The following ANKRD28 variants were observed in gnomAD, a reference collection of about 807,000 sequenced individuals.
ANKRD28 encodes the protein serine/threonine-protein phosphatase 6 regulatory ankyrin repeat subunit A.
ANKRD28 carries 44 observed loss-of-function variants against 126.5 expected under a neutral mutation model. That is an observed-to-expected ratio of 0.35 (90% confidence interval 0.27 to 0.45). The LOEUF (loss-of-function observed/expected upper bound fraction) is 0.45. Ranked by LOEUF, ANKRD28 falls within the 20% of genes least tolerant of loss-of-function variation. The probability of loss-of-function intolerance (pLI) is 1.00; values close to 1 mark genes in which losing one functional copy is unlikely to be tolerated. For synonymous variants in ANKRD28, 442 were observed against 468.5 expected (o/e 0.94, Z 0.73); for missense variants, 1,110 against 1,316.6 (o/e 0.84, Z 2.43).
intron 24 of ANKRD28, 71 bp downstream of exon 24, chr3:15,678,138 T>C (rs1205579075): frequency 7.1e-6 from 10 of 1,418,024 alleles, no homozygotes; most frequent in Non-Finnish European, 9.4e-6. Context: ...AAGTCAGAAG[T>C]CTTGGGATCT....
At chr3:15,796,230 A>C (rs2060267802) in intron 1 of ANKRD28, among the ~76,000 whole-genome samples, 175 bp downstream of exon 1, 1 of 152,208 alleles carries the variant, frequency 6.6e-6, no homozygotes, top group Admixed American at 6.5e-5. Flanking sequence ...CATTCAAAAA[A>C]GTAAAAACGA....
intron 2 of ANKRD28, among the ~76,000 whole-genome samples, chr3:15,775,582 C>T (rs1208185015): frequency 6.6e-6 from 1 of 152,216 alleles, no homozygotes; most frequent in African/African-American, 2.4e-5. Flanking sequence ...CCCACTACCT[C>T]TTTCTCAGGT....
Position 15,720,978 on chromosome 3 carries a change from T to C in ANKRD28, c.933A>G (p.Ala311=), listed in dbSNP as rs2073665239. The C allele has an allele frequency of 1.2e-6, 2 of 1,613,828 alleles. No homozygotes were observed. The highest frequency in any genetic ancestry group is 1.7e-6 in the Non-Finnish European group (2 of 1,179,860). ...CTAAACACAATGCTCCATGTGTTGA[T>C]GCAGCAGCAAAGTGCAAAGGAGTAA... ...KGFTPLHFAA[A]STHGALCLEL... is the part of the protein sequence containing the mutation. The change falls in exon 8 of 28, where the codon GCA becomes GCG. Residue 311 remains alanine (A), a synonymous_variant. Transcript: ENST00000683139.
intron 1 of ANKRD28, among the ~76,000 whole-genome samples, chr3:15,820,602 A>C (rs1032340996): frequency 6.6e-6 from 1 of 152,204 alleles, no homozygotes; most frequent in African/African-American, 2.4e-5. Context: ...CTAACCTTCA[A>C]GACATCTGAC....
chr3:15,848,189 G>A (rs1438431312), intron 1 of ANKRD28, among the ~76,000 whole-genome samples: 2 of 152,128 alleles, frequency 1.3e-5, no homozygotes, highest in Admixed American at 1.3e-4. Flanking sequence ...TCAAACTTAG[G>A]TGAAAACTCA....
At chr3:15,777,388 C>T (rs75632960) in intron 2 of ANKRD28, among the ~76,000 whole-genome samples, 2,507 of 152,166 alleles carry the variant, frequency 0.016, 66 homozygotes, top group African/African-American at 0.057. Context: ...TACACGGAAT[C>T]AGGAATAAAA....
chr3:15,844,729 G>A (rs1468381853), intron 1 of ANKRD28, among the ~76,000 whole-genome samples: 1 of 152,168 alleles, frequency 6.6e-6, no homozygotes, highest in Non-Finnish European at 1.5e-5. Flanking sequence ...AACAGTCACT[G>A]CACTTAAATT....
At position 15,694,723 on chromosome 3, in the gene ANKRD28, T is replaced by A. The variant is rs551633102; in HGVS notation, c.1761+16A>T. 9 of 1,610,534 alleles carry A rather than the reference T, an allele frequency of 5.6e-6. No homozygotes were observed. In the Admixed American group the frequency reaches 1.5e-4, roughly 27 times the overall value. On this transcript the variant is annotated intron_variant, in intron 17 of 27. Coordinates refer to ENST00000683139, the MANE Select transcript of ANKRD28 (RefSeq NM_001349278.2). ...AAACCAGCAGCCATCAAGTCGGCTA[T>A]GAAGGCAGTACTCACAGCCAAGTGT...
At chr3:15,692,093 A>T (rs1532767) in intron 17 of ANKRD28, among the ~76,000 whole-genome samples, 79,867 of 149,808 alleles carry the variant, frequency 0.53, 22,181 homozygotes, top group Middle Eastern at 0.62. Context: ...TGAGCTGGGA[A>T]TGCACCACTG....
In ANKRD28 at chr3:15,843,095, T is replaced by C. The variant is rs1004257375; in HGVS notation, c.27+16282A>G. Among the ~76,000 whole-genome samples, 1 of 152,214 alleles carries C rather than the reference T, an allele frequency of 6.6e-6. No individual in the cohort carries two copies. The highest frequency in any genetic ancestry group is 1.5e-5 in the Non-Finnish European group (1 of 68,036). ...CCTTTTGCAGGCTATACAGGAATCA[T>C]AGTGGTATCTGCTTCCAGGGAGGCC... On this transcript the variant is annotated intron_variant, in intron 1 of 27. Transcript: ENST00000399451. This position sits in a 1 kb window ranked among gnomAD's most constrained non-coding sequence, Gnocchi z 5.2.
At chr3:15,764,103 C>T (rs1193253274) in intron 3 of ANKRD28, among the ~76,000 whole-genome samples, 1 of 152,010 alleles carries the variant, frequency 6.6e-6, no homozygotes, top group Non-Finnish European at 1.5e-5. Context: ...CACACACCTG[C>T]AGTCCCAGCT....
chr3:15,739,988 C>A (rs2075326599), intron 4 of ANKRD28, among the ~76,000 whole-genome samples: 1 of 152,126 alleles, frequency 6.6e-6, no homozygotes, highest in Admixed American at 6.5e-5. Context: ...TCCTAACCAC[C>A]AAAAACCAGA....
At position 15,677,013 on chromosome 3, in the gene ANKRD28, T is replaced by G; in HGVS notation, c.2834A>C (p.Asp945Ala). ...GTTGGTTGCATTGATGAGGTTTCTATCTGTTATCTTTTCCAGTATTAACAA... is the reference window on the plus strand; with the variant it reads ...GTTGGTTGCATTGATGAGGTTTCTAGCTGTTATCTTTTCCAGTATTAACAA... ...SALLILEKITDRNLINATNAA... is the reference protein window; with the variant it reads ...SALLILEKITARNLINATNAA... Residue 945 changes from aspartate (D) to alanine (A), a missense_variant, in exon 26 of 28, where the codon GAT (aspartate) becomes GCT (alanine). Asp to Ala is a moderately radical substitution (Grantham distance 126, BLOSUM62 -2). Transcript: ENST00000683139. The G allele has an allele frequency of 6.2e-7, 1 of 1,613,420 alleles. No homozygotes were observed. Among genetic ancestry groups the G allele is most frequent in the Non-Finnish European group, 8.5e-7 (1 of 1,179,610 alleles).
intron 1 of ANKRD28, among the ~76,000 whole-genome samples, chr3:15,827,785 A>C (rs1453663542): frequency 1.3e-5 from 2 of 152,246 alleles, no homozygotes; most frequent in African/African-American, 4.8e-5. Flanking sequence ...GGATACTATC[A>C]ACAGAGTGAA....
At chr3:15,772,905 G>A (rs946701023) in intron 2 of ANKRD28, among the ~76,000 whole-genome samples, 1 of 151,980 alleles carries the variant, frequency 6.6e-6, no homozygotes, top group Non-Finnish European at 1.5e-5. Flanking sequence ...TTCTTAATCC[G>A]ATAAAGGGTA....
Position 15,690,160 on chromosome 3 carries a change from C to T in ANKRD28, c.1822G>A (p.Val608Ile), listed in dbSNP as rs185208041. ...GGTGTTCTTCCACTACTATTTCTGA[C>T]ATCAAGATCTAACAAAGACTGTACC... ...VLVQSLLDLD[V>I]RNSSGRTPLD... Residue 608 changes from valine to isoleucine, a missense_variant, in exon 18 of 28, where the codon GTC (valine) becomes ATC (isoleucine). Transcript: ENST00000683139. 6.2e-7 allele frequency: 1 copy of T among 1,609,264 alleles called. No individual in the cohort carries two copies. The highest frequency in any genetic ancestry group is 8.5e-7 in the Non-Finnish European group (1 of 1,177,600).
At chr3:15,753,900 C>T (rs1406609778) in intron 3 of ANKRD28, among the ~76,000 whole-genome samples, 2 of 152,128 alleles carry the variant, frequency 1.3e-5, no homozygotes, top group African/African-American at 2.4e-5. Flanking sequence ...GCCGAGATTG[C>T]ACCACACACT....
intron 14 of ANKRD28, among the ~76,000 whole-genome samples, chr3:15,698,734 TAA>T (rs2070069722): frequency 6.6e-6 from 1 of 151,972 alleles, no homozygotes. Context: ...CTCAATGAAA[TAA>T]AAGAGGACAT....
chr3:15,843,243 G>A lies in ANKRD28; in HGVS notation c.27+16134C>T, dbSNP rs1236880459. 6.6e-6 allele frequency among the ~76,000 whole-genome samples: 1 copy of A among 152,166 alleles called. No individual in the cohort carries two copies. The highest frequency in any genetic ancestry group is 2.4e-5 in the African/African-American group (1 of 41,438). On this transcript the variant is annotated intron_variant, in intron 1 of 27. Transcript: ENST00000399451. This position sits in a 1 kb window ranked among gnomAD's most constrained non-coding sequence, Gnocchi z 5.2. ...ACTTTTAAATGACCAGATCTCATGAGAACTCACTATCACAGGGACATCATC... is the reference window on the plus strand; with the variant it reads ...ACTTTTAAATGACCAGATCTCATGAAAACTCACTATCACAGGGACATCATC...
Sources: allele counts gnomAD v4.1 joint callset (sites outside exome capture counted in the v4.1 genomes callset), GRCh38; gene constraint gnomAD v4.1.1; non-coding constraint Gnocchi (gnomAD v3.1); transcripts MANE v1.5; gene names NCBI Gene and HGNC (gene_info 2026-07-23, HGNC 2026-07-21).